Variants in SNX29 observed in about 807,000 individuals in gnomAD.
SNX29 encodes sorting nexin 29, also known as sorting nexin-29.
In SNX29, 78 loss-of-function variants were observed where a neutral mutation model predicts 102.1. The observed-to-expected ratio is 0.76, with a 90% CI of 0.64 to 0.92. SNX29 has a LOEUF of 0.92. SNX29 is among the 40% of genes least tolerant of loss of function. The pLI, the probability that SNX29 is intolerant of heterozygous loss-of-function variation, is 0.00. For missense variants in SNX29, 1,280 were observed against 1,061.7 expected, an observed-to-expected ratio of 1.21 and a Z score of -2.86; for synonymous variants, 580 against 414.5, an observed-to-expected ratio of 1.40 and a Z score of -4.85.
chr16:12,215,313 GAAAAA>G (rs59097054), intron 14 of SNX29, among the ~76,000 whole-genome samples: 1 of 137,234 alleles, frequency 7.3e-6, no homozygotes. Context: ...AATCTCTACA[GAAAAA>G]AAAAAAAAAA....
At chr16:12,081,066 G>C (rs1230026717) in intron 11 of SNX29, among the ~76,000 whole-genome samples, 2 of 152,194 alleles carry the variant, frequency 1.3e-5, no homozygotes, top group African/African-American at 4.8e-5. Flanking sequence ...TACTGTAAAT[G>C]GAGAGTCACT....
intron 13 of SNX29, among the ~76,000 whole-genome samples, chr16:12,155,252 G>A (rs1040216866): frequency 8.5e-5 from 13 of 152,198 alleles, no homozygotes; most frequent in African/African-American, 2.9e-4. Flanking sequence ...TTGTAACAAT[G>A]TAATTATGCA....
At chr16:12,057,482 A>T (rs1204588647) in intron 8 of SNX29, among the ~76,000 whole-genome samples, 4 of 152,178 alleles carry the variant, frequency 2.6e-5, no homozygotes, top group African/African-American at 7.2e-5. Context: ...CATGGGGGAA[A>T]GCAGTTTGAC....
chr16:12,288,247 C>T (rs533185728), intron 15 of SNX29, among the ~76,000 whole-genome samples: 26 of 152,120 alleles, frequency 1.7e-4, no homozygotes, highest in South Asian at 4.1e-4. Flanking sequence ...CAGACATGCC[C>T]GTGGGTGCCA....
In SNX29 at chr16:12,516,337, A is replaced by T. The variant is rs541689200; in HGVS notation, c.2179-8365A>T. Among the ~76,000 whole-genome samples, 6 of 152,214 alleles carry T rather than the reference A, an allele frequency of 3.9e-5. 1 individual carries two copies. In the East Asian group the frequency reaches 1.2e-3, roughly 29 times the overall value. On this transcript the variant is annotated intron_variant, in intron 19 of 20. Coordinates refer to ENST00000566228, the MANE Select transcript of SNX29 (RefSeq NM_032167.5). ...TCTACAAAAACTTTAAAAATTAGCC[A>T]GACGTGGTGGTGTGCACCTGTAGTC...
chr16:12,427,631 CT>C (rs1421711509), intron 18 of SNX29, among the ~76,000 whole-genome samples: 6 of 152,180 alleles, frequency 3.9e-5, no homozygotes, highest in Non-Finnish European at 4.4e-5. Flanking sequence ...ATCGGCCATG[CT>C]TGGAGGTTAA....
intron 20 of SNX29, among the ~76,000 whole-genome samples, chr16:12,541,533 G>C (rs980022031): frequency 3.3e-5 from 5 of 152,052 alleles, no homozygotes; most frequent in East Asian, 1.9e-4. Flanking sequence ...TCAGCATGTA[G>C]TTGTTCATCA....
intron 14 of SNX29, among the ~76,000 whole-genome samples, chr16:12,237,983 C>T (rs571588913): frequency 7.2e-5 from 11 of 152,136 alleles, no homozygotes; most frequent in East Asian, 1.9e-4. Context: ...ACAGAAGCAA[C>T]GACGCTGGCA....
At chr16:12,485,413 T>C (rs2088179313) in intron 19 of SNX29, among the ~76,000 whole-genome samples, 1 of 152,192 alleles carries the variant, frequency 6.6e-6, no homozygotes, top group South Asian at 2.1e-4. Context: ...CATTTGGCAT[T>C]AAGGCAAGGC....
intron 15 of SNX29, among the ~76,000 whole-genome samples, chr16:12,340,894 G>A (rs2081591691): frequency 6.6e-6 from 1 of 152,152 alleles, no homozygotes; most frequent in South Asian, 2.1e-4. Flanking sequence ...ATCCACTAAA[G>A]GGGCCCCTAT....
chr16:12,551,311 C>G (rs373664867), intron 20 of SNX29, among the ~76,000 whole-genome samples: 2 of 152,150 alleles, frequency 1.3e-5, no homozygotes, highest in Admixed American at 6.5e-5. Context: ...CACCAAAAAG[C>G]CACTTGTAAC....
intron 14 of SNX29, among the ~76,000 whole-genome samples, chr16:12,212,988 C>T (rs1000954800): frequency 9.2e-5 from 14 of 152,116 alleles, no homozygotes; most frequent in Admixed American, 8.5e-4. Context: ...GTGGCATGCA[C>T]CTGTAATCCC....
chr16:12,487,401 T>C (rs7195465), intron 19 of SNX29, among the ~76,000 whole-genome samples: 25,077 of 152,130 alleles, frequency 0.16, 2,872 homozygotes, highest in African/African-American at 0.31. Flanking sequence ...ACTTTGCATT[T>C]ATTTTCTCAT....
chr16:12,321,531 C>A (rs773539988), intron 15 of SNX29, among the ~76,000 whole-genome samples: 24 of 152,144 alleles, frequency 1.6e-4, no homozygotes, highest in Non-Finnish European at 2.6e-4. Context: ...TGTTGCAGAG[C>A]CTTTGAGAGA....
At chr16:12,214,842 A>G (rs1265502947) in intron 14 of SNX29, among the ~76,000 whole-genome samples, 2 of 152,064 alleles carry the variant, frequency 1.3e-5, no homozygotes, top group Non-Finnish European at 2.9e-5. Context: ...CTAGTTGGTC[A>G]CTCCCAGGTC....
chr16:12,125,388 G>A (rs556334623), intron 11 of SNX29, among the ~76,000 whole-genome samples: 18 of 152,186 alleles, frequency 1.2e-4, no homozygotes, highest in Admixed American at 1.1e-3. Flanking sequence ...TGCTTTGGCT[G>A]CACTTGTGAT....
chr16:12,390,199 T>G (rs2083479547), intron 16 of SNX29, among the ~76,000 whole-genome samples: 1 of 151,538 alleles, frequency 6.6e-6, no homozygotes. Context: ...TGTATATGTG[T>G]GCACGCACAG....
At chr16:12,396,113 C>T (rs2083711460) in intron 16 of SNX29, among the ~76,000 whole-genome samples, 1 of 152,238 alleles carries the variant, frequency 6.6e-6, no homozygotes, top group African/African-American at 2.4e-5. Context: ...GATTGAACCA[C>T]TCCTGGGTAC....
intron 11 of SNX29, among the ~76,000 whole-genome samples, chr16:12,080,120 G>A (rs74008674): frequency 6.6e-6 from 1 of 151,976 alleles, no homozygotes; most frequent in South Asian, 2.1e-4. Flanking sequence ...AAGCTCCCCC[G>A]ACCTTCACTA....
Sources: allele counts gnomAD v4.1 joint callset (sites outside exome capture counted in the v4.1 genomes callset), GRCh38; gene constraint gnomAD v4.1.1; transcripts MANE v1.5; gene names NCBI Gene and HGNC (gene_info 2026-07-23, HGNC 2026-07-21).